The following DNAJC4 variants were observed in gnomAD, a reference collection of about 807,000 sequenced individuals.
DNAJC4 encodes DnaJ heat shock protein family (Hsp40) member C4.
DNAJC4 carries 26 observed loss-of-function variants against 26.8 expected under a neutral mutation model. That is an observed-to-expected ratio of 0.97 (90% confidence interval 0.71 to 1.34). The LOEUF is 1.34. Ranked by LOEUF, DNAJC4 falls within the 40% of genes most tolerant of loss-of-function variation. The pLI, the probability that DNAJC4 is intolerant of heterozygous loss-of-function variation, is 0.00. For missense variants in DNAJC4, 342 were observed against 321.1 expected (o/e 1.07, Z -0.50); for synonymous variants, 134 against 127.8 (o/e 1.05, Z -0.33).
chr11:64,232,965 C>T, intron 4 of DNAJC4, 100 bp downstream of exon 4: 1 of 1,358,038 alleles, frequency 7.4e-7, no homozygotes, highest in Non-Finnish European at 9.7e-7. Flanking sequence ...GGCCCGTACT[C>T]TTGTGTCTCT....
Position 64,231,871 on chromosome 11 carries a change from G to A in DNAJC4, c.87G>A (p.Arg29=). The A allele has an allele frequency of 6.2e-7, 1 of 1,614,038 alleles. No homozygotes were observed. Among genetic ancestry groups the A allele is most frequent in the East Asian group, 2.2e-5 (1 of 44,882 alleles). The change falls in exon 2 of 6, where the codon CGG becomes CGA. Residue 29 remains arginine, a splice_region_variant and synonymous_variant. Transcript: ENST00000628077. ...SRLLGAAAGQ[R]SRPSTYYELL... ...GCAAGGTTTGGGACTCTGTCCACAGGTCCAGACCCAGTACTTATTATGAAC... is the reference window on the plus strand; with the variant it reads ...GCAAGGTTTGGGACTCTGTCCACAGATCCAGACCCAGTACTTATTATGAAC...
rs1396585463 is a variant in DNAJC4, at chr11:64,230,793, T to G, written c.-62T>G. The G allele has an allele frequency of 6.4e-7, 1 of 1,555,716 alleles. No homozygotes were observed. The highest frequency in any genetic ancestry group is 1.2e-5 in the South Asian group (1 of 85,112). ...CCTCTGCCCCCGGGTGCTTGAAGTC[T>G]AGCCCCATCCTGGTCCAATGCGCTC... On this transcript the variant is annotated 5_prime_UTR_variant, in exon 1 of 6. Transcript: ENST00000628077.
chr11:64,230,957 G>C lies in DNAJC4; in HGVS notation c.86+17G>C, dbSNP rs748370558. On this transcript the variant is annotated intron_variant, in intron 1 of 5. Coordinates refer to ENST00000628077, the MANE Select transcript of DNAJC4 (RefSeq NM_005528.4). ...CGGGCAGCGGTGAGTTGGGCGCGGG[G>C]GGCCGGCCCGGTTGTTCAATGGGTT... 3.3e-4 allele frequency: 507 copies of C among 1,540,264 alleles called. No homozygotes were observed. The highest frequency in any genetic ancestry group is 4.2e-4 in the Non-Finnish European group (485 of 1,148,168).
At chr11:64,231,642 G>T in intron 1 of DNAJC4, 1 of 507,112 alleles carries the variant, frequency 2.0e-6, no homozygotes, top group South Asian at 2.9e-5. Flanking sequence ...GCCTGTCCAG[G>T]AATCAGTTTT....
In DNAJC4 at chr11:64,232,829, T is replaced by TG; in HGVS notation, c.492dup (p.Leu165AlafsTer20). The TG allele has an allele frequency of 6.2e-7, 1 of 1,610,454 alleles. No individual in the cohort carries two copies. On this transcript the variant is annotated frameshift_variant, in exon 4 of 6. Transcript: ENST00000628077. LOFTEE classifies it high-confidence loss of function. ...GTGCTGGGGTACTGCCTCCTCCTCA[T>TG]GCTGGCGGGCATGGGCCTGCACTAC...
Position 64,230,809 on chromosome 11 carries a change from C to T in DNAJC4, c.-46C>T. 1.3e-6 allele frequency: 2 copies of T among 1,573,674 alleles called. No individual in the cohort carries two copies. Among genetic ancestry groups the T allele is most frequent in the East Asian group, 4.7e-5 (2 of 42,680 alleles). On this transcript the variant is annotated 5_prime_UTR_variant, in exon 1 of 6. Coordinates refer to ENST00000628077, the MANE Select transcript of DNAJC4 (RefSeq NM_005528.4). The stretch of plus-strand genomic sequence containing the variant: ...CTTGAAGTCTAGCCCCATCCTGGTC[C>T]AATGCGCTCTTGGTAGCCTCCTTTC...
At chr11:64,232,195 C>T in intron 2 of DNAJC4, 1 of 718,216 alleles carries the variant, frequency 1.4e-6, no homozygotes, top group Non-Finnish European at 2.3e-6. Context: ...CTTGAGAAAC[C>T]TGGACCAGGG....
chr11:64,231,091 G>A (rs1381591310), intron 1 of DNAJC4, 151 bp downstream of exon 1: 2 of 1,045,616 alleles, frequency 1.9e-6, no homozygotes, highest in Non-Finnish European at 2.9e-6. Context: ...CAGAGATAGA[G>A]AAGACCCCCA....
At chr11:64,232,067 AT>A in intron 2 of DNAJC4, 103 bp downstream of exon 2, 13 of 1,217,878 alleles carry the variant, frequency 1.1e-5, no homozygotes, top group Non-Finnish European at 1.3e-5. Context: ...CGGGTGCCAC[AT>A]TTTTTCAGCC....
At chr11:64,232,122 G>T (rs1487148158) in intron 2 of DNAJC4, 158 bp downstream of exon 2, 1 of 810,930 alleles carries the variant, frequency 1.2e-6, no homozygotes, top group East Asian at 2.7e-5. Context: ...GAAAGGCTGT[G>T]GGCAGGAGCC....
intron 1 of DNAJC4, chr11:64,231,222 G>T (rs1947171495): frequency 8.9e-6 from 5 of 559,432 alleles, no homozygotes; most frequent in East Asian, 3.5e-5. Context: ...ACCCTCTGTG[G>T]GGGGTGGGAG....
At chr11:64,232,372 C>T in intron 2 of DNAJC4, 58 bp from the exon 3 acceptor site, 2 of 1,506,484 alleles carry the variant, frequency 1.3e-6, no homozygotes, top group South Asian at 2.6e-5. Context: ...ATGTCATCAG[C>T]ATGGGTCCTG....
Position 64,230,877 on chromosome 11 carries a change from G to A in DNAJC4, c.23G>A (p.Arg8His). 1.9e-6 allele frequency: 3 copies of A among 1,598,668 alleles called. No individual in the cohort carries two copies. The highest frequency in any genetic ancestry group is 8.5e-7 in the Non-Finnish European group (1 of 1,175,268). The change falls in exon 1 of 6, where the codon CGC (arginine) becomes CAC (histidine). Residue 8 changes from arginine (R) to histidine (H), a missense_variant. Arg to His is a conservative substitution (Grantham distance 29, BLOSUM62 0). Coordinates refer to ENST00000628077, the MANE Select transcript of DNAJC4 (RefSeq NM_005528.4). ...GCCATGCCGCCCTTACTGCCCCTGC[G>A]CCTGTGCCGGCTGTGGCCCCGCAAC... MPPLLPLRLCRLWPRNPP... is the reference protein window; with the variant it reads MPPLLPLHLCRLWPRNPP...
Position 64,230,854 on chromosome 11 carries a change from C to A in DNAJC4, c.-1C>A. On this transcript the variant is annotated 5_prime_UTR_variant, in exon 1 of 6. Transcript: ENST00000628077. The stretch of plus-strand genomic sequence containing the variant: ...CCTTTCCCAGCTGCCCGCCCGCCGC[C>A]ATGCCGCCCTTACTGCCCCTGCGCC... 6.3e-7 allele frequency: 1 copy of A among 1,599,210 alleles called. No individual in the cohort carries two copies. Among genetic ancestry groups the A allele is most frequent in the Non-Finnish European group, 8.5e-7 (1 of 1,174,984 alleles).
At chr11:64,232,387 G>C in intron 2 of DNAJC4, 43 bp from the exon 3 acceptor site, 2 of 1,523,942 alleles carry the variant, frequency 1.3e-6, no homozygotes, top group Non-Finnish European at 1.8e-6. Flanking sequence ...GTCCTGGGGA[G>C]GGACAGGCAA....
At chr11:64,233,722 C>A (rs1352934066) in intron 4 of DNAJC4, 172 bp from the exon 5 acceptor site, 3 of 851,478 alleles carry the variant, frequency 3.5e-6, no homozygotes, top group Non-Finnish European at 5.3e-6. Flanking sequence ...GGACCCTAGA[C>A]AAGCCAGGGC....
intron 4 of DNAJC4, 24 bp from the exon 5 acceptor site, chr11:64,233,870 A>T: frequency 6.2e-7 from 1 of 1,607,314 alleles, no homozygotes. Context: ...TTGGATTCCC[A>T]GGGTTAATTG....
intron 2 of DNAJC4, 107 bp from the exon 3 acceptor site, chr11:64,232,323 G>C (rs1947186338): frequency 7.2e-7 from 1 of 1,381,818 alleles, no homozygotes; most frequent in African/African-American, 1.4e-5. Flanking sequence ...TCACTGACCA[G>C]GCAGGGCCTC....
At position 64,230,854 on chromosome 11, in the gene DNAJC4, C is replaced by T; in HGVS notation, c.-1C>T. On this transcript the variant is annotated 5_prime_UTR_variant, in exon 1 of 6. Transcript: ENST00000628077. ...CCTTTCCCAGCTGCCCGCCCGCCGC[C>T]ATGCCGCCCTTACTGCCCCTGCGCC... 1 of 1,599,210 alleles carries T rather than the reference C, an allele frequency of 6.3e-7. No individual in the cohort carries two copies. Among genetic ancestry groups the T allele is most frequent in the Non-Finnish European group, 8.5e-7 (1 of 1,174,984 alleles).
Sources: allele counts gnomAD v4.1 joint callset, GRCh38; gene constraint gnomAD v4.1.1; transcripts MANE v1.5; gene names NCBI Gene and HGNC (gene_info 2026-07-23, HGNC 2026-07-21).